EIF2AK3: variants seen among roughly 807,000 people sequenced by gnomAD.
EIF2AK3 encodes the protein eukaryotic translation initiation factor 2 alpha kinase 3.
Under a neutral mutation model 113.5 loss-of-function variants are expected in EIF2AK3, and 50 were observed. The ratio of observed to expected loss-of-function variants is 0.44; its 90% CI spans 0.35 to 0.56. The LOEUF (loss-of-function observed/expected upper bound fraction) is 0.56, where lower values mean the gene tolerates loss of function less well. EIF2AK3 is among the 20% of genes least tolerant of loss of function. EIF2AK3 has a pLI of 0.00. For synonymous variants in EIF2AK3, 448 were observed against 495.4 expected (o/e 0.90, Z 1.27); for missense variants, 1,185 against 1,378.0 (o/e 0.86, Z 2.22).
rs186583086 is a variant in EIF2AK3 at position 88,612,446 on chromosome 2, A to C, written c.438+1278T>G. ...TCACTTGAATACCATACTCAATTAT[A>C]AACTTAATGTAATTTACAATCAAAT... On this transcript the variant is annotated intron_variant, in intron 2 of 16. Coordinates refer to ENST00000303236, the MANE Select transcript of EIF2AK3 (RefSeq NM_004836.7). Among the ~76,000 whole-genome samples, 48 of 152,360 alleles carry C rather than the reference A, an allele frequency of 3.2e-4. No homozygotes were observed. The East Asian group carries it at 7.3e-3, about 23-fold the overall frequency.
rs747108159 is a variant in EIF2AK3, at chr2:88,626,979, C to T, written c.296G>A (p.Arg99Gln). ...GPEPDDETEL[R>Q]PRGRSLVIIS... ...GGCAGCCCCTCACCTGCCGCGCGGT[C>T]GCAACTCTGTCTCATCGTCTGGTTC... The change falls in exon 1 of 17, where the codon CGA (arginine) becomes CAA (glutamine). Residue 99 changes from arginine to glutamine, a missense_variant. Physicochemically the swap from Arg to Gln is conservative, Grantham distance 43. Coordinates refer to ENST00000303236, the MANE Select transcript of EIF2AK3 (RefSeq NM_004836.7). 6.2e-7 allele frequency: 1 copy of T among 1,609,164 alleles called. No individual in the cohort carries two copies. The highest frequency in any genetic ancestry group is 1.1e-5 in the South Asian group (1 of 90,846).
chr2:88,621,596 T>C (rs1292144085), intron 1 of EIF2AK3, among the ~76,000 whole-genome samples: 4 of 152,234 alleles, frequency 2.6e-5, no homozygotes, highest in Non-Finnish European at 5.9e-5. Context: ...AGGAGGCATA[T>C]GTTCTTGTTT....
At chr2:88,576,765 A>G (rs1024403306) in intron 11 of EIF2AK3, 62 bp from the exon 12 acceptor site, 1 of 1,574,684 alleles carries the variant, frequency 6.4e-7, no homozygotes, top group African/African-American at 1.4e-5. Flanking sequence ...GATCTTTACA[A>G]ATTATATGAC....
intron 10 of EIF2AK3, among the ~76,000 whole-genome samples, chr2:88,582,221 G>T (rs1198832509): frequency 1.3e-5 from 2 of 152,184 alleles, no homozygotes; most frequent in Non-Finnish European, 2.9e-5. Context: ...GTGCTGGCTG[G>T]ATGACTAATC....
At chr2:88,588,437 C>G (rs768709286) in intron 7 of EIF2AK3, among the ~76,000 whole-genome samples, 16 of 152,272 alleles carry the variant, frequency 1.1e-4, no homozygotes, top group Non-Finnish European at 1.5e-4. Flanking sequence ...AACCAGATAA[C>G]TTTTGCCTAA....
chr2:88,599,991 C>A (rs138296493), intron 2 of EIF2AK3, among the ~76,000 whole-genome samples: 9 of 152,188 alleles, frequency 5.9e-5, no homozygotes, highest in African/African-American at 1.9e-4. Context: ...GAGAAAACTT[C>A]CTTATTTTAA....
chr2:88,615,888 T>C (rs1161753701), intron 1 of EIF2AK3, among the ~76,000 whole-genome samples: 1 of 152,162 alleles, frequency 6.6e-6, no homozygotes, highest in Non-Finnish European at 1.5e-5. Context: ...ATGGTTCTTG[T>C]CAGAGTCAAG....
intron 2 of EIF2AK3, among the ~76,000 whole-genome samples, chr2:88,598,582 ATTC>A (rs1231410747): frequency 6.6e-6 from 1 of 152,078 alleles, no homozygotes; most frequent in Non-Finnish European, 1.5e-5. Flanking sequence ...GAGAAACCAT[ATTC>A]TTCAAAAATG....
chr2:88,562,770 T>A (rs2104387847), intron 14 of EIF2AK3, among the ~76,000 whole-genome samples: 1 of 152,352 alleles, frequency 6.6e-6, no homozygotes, highest in African/African-American at 2.4e-5. Flanking sequence ...TTTCTAATCA[T>A]CTTAGTCCTA....
At chr2:88,558,055 G>T in intron 16 of EIF2AK3, 119 bp from the exon 17 acceptor site, 1 of 1,005,928 alleles carries the variant, frequency 9.9e-7, no homozygotes, top group Non-Finnish European at 1.5e-6. Flanking sequence ...CCATATTCGA[G>T]TTTTCAAGTC....
At chr2:88,618,017 CAA>C (rs1675629961) in intron 1 of EIF2AK3, among the ~76,000 whole-genome samples, 1 of 151,884 alleles carries the variant, frequency 6.6e-6, no homozygotes, top group Non-Finnish European at 1.5e-5. Flanking sequence ...TCCAAATGTA[CAA>C]AAATACTTTA....
chr2:88,567,700 C>T (rs544689877), intron 14 of EIF2AK3, among the ~76,000 whole-genome samples: 1 of 152,240 alleles, frequency 6.6e-6, no homozygotes, highest in East Asian at 1.9e-4. Flanking sequence ...TAATAGGTAA[C>T]ACATTCAGAT....
At chr2:88,561,755 A>C (rs571385024) in intron 15 of EIF2AK3, among the ~76,000 whole-genome samples, 1 of 152,214 alleles carries the variant, frequency 6.6e-6, no homozygotes, top group East Asian at 1.9e-4. Flanking sequence ...GCTACTGGGG[A>C]GACTGAGATG....
At chr2:88,583,744 T>G (rs1317708785) in intron 9 of EIF2AK3, among the ~76,000 whole-genome samples, 2 of 152,194 alleles carry the variant, frequency 1.3e-5, no homozygotes, top group African/African-American at 4.8e-5. Flanking sequence ...CCTCCAGTCT[T>G]TGAGGGGATT....
intron 3 of EIF2AK3, among the ~76,000 whole-genome samples, chr2:88,593,728 A>C (rs1326154972): frequency 6.6e-6 from 1 of 152,204 alleles, no homozygotes; most frequent in Non-Finnish European, 1.5e-5. Flanking sequence ...ATCATTAATA[A>C]AATTTCAGGT....
chr2:88,602,463 T>A (rs1172983079), intron 2 of EIF2AK3, among the ~76,000 whole-genome samples: 3 of 151,870 alleles, frequency 2.0e-5, no homozygotes, highest in Non-Finnish European at 2.9e-5. Context: ...TGTGGCAAGA[T>A]GCAGACTCAC....
At chr2:88,583,368 TAAACAAG>T in intron 10 of EIF2AK3, 55 bp downstream of exon 10, 3 of 1,341,234 alleles carry the variant, frequency 2.2e-6, no homozygotes, top group Middle Eastern at 2.0e-4. Context: ...AAAAAAAAGT[TAAACAAG>T]ATCTTAGGTC....
At chr2:88,607,421 A>G (rs2104460779) in intron 2 of EIF2AK3, among the ~76,000 whole-genome samples, 1 of 152,360 alleles carries the variant, frequency 6.6e-6, no homozygotes, top group Non-Finnish European at 1.5e-5. Flanking sequence ...TAAAGCTAAT[A>G]GAGTGAACTT....
intron 3 of EIF2AK3, 44 bp downstream of exon 3, chr2:88,595,425 A>T (rs1228508527): frequency 1.3e-6 from 2 of 1,584,776 alleles, no homozygotes; most frequent in African/African-American, 1.3e-5. Flanking sequence ...TTCTACCCTA[A>T]TTTACTCTGA....
Sources: gnomAD v4.1 joint callset for allele counts (sites outside exome capture counted in the v4.1 genomes callset) on GRCh38, gnomAD v4.1.1 for gene constraint, MANE v1.5 for transcripts, NCBI Gene and HGNC (gene_info 2026-07-23, HGNC 2026-07-21) for gene names.